Variants in SPOCK3 observed in about 807,000 individuals in gnomAD.
The protein encoded by SPOCK3 is SPARC (osteonectin), cwcv and kazal like domains proteoglycan 3, also known as testican-3.
SPOCK3 carries 30 observed loss-of-function variants against 56.6 expected under a neutral mutation model. That is an observed-to-expected ratio of 0.53 (90% CI 0.40 to 0.72). The LOEUF (loss-of-function observed/expected upper bound fraction) is 0.72, where lower values mean the gene tolerates loss of function less well. Ranked by LOEUF, SPOCK3 falls within the 30% of genes least tolerant of loss-of-function variation. The pLI is 0.00. For missense variants in SPOCK3, 527 were observed against 530.0 expected, an observed-to-expected ratio of 0.99 and a Z score of 0.06; for synonymous variants, 196 against 183.3, an observed-to-expected ratio of 1.07 and a Z score of -0.56.
At chr4:167,080,878 CTTTTT>C (rs766090610) in intron 2 of SPOCK3, among the ~76,000 whole-genome samples, 2 of 129,058 alleles carry the variant, frequency 1.5e-5, no homozygotes, top group Admixed American at 7.8e-5. Context: ...CTCTTTCTTT[CTTTTT>C]TTTTTTTTTT....
intron 2 of SPOCK3, among the ~76,000 whole-genome samples, chr4:167,220,601 G>T (rs567836368): frequency 9.9e-5 from 15 of 151,038 alleles, no homozygotes; most frequent in African/African-American, 3.6e-4. Flanking sequence ...GCTCAGGCTG[G>T]TCTCAAACTC....
chr4:166,818,057 C>G (rs893533574), intron 6 of SPOCK3, among the ~76,000 whole-genome samples: 1 of 152,058 alleles, frequency 6.6e-6, no homozygotes, highest in Admixed American at 6.6e-5. Flanking sequence ...AGATTACACA[C>G]TTATCACTTT....
chr4:166,744,641 G>A (rs548920099), intron 8 of SPOCK3, among the ~76,000 whole-genome samples: 4 of 152,302 alleles, frequency 2.6e-5, no homozygotes, highest in East Asian at 1.9e-4. Context: ...TGACTTTGAC[G>A]AGTTGACAGA....
intron 2 of SPOCK3, among the ~76,000 whole-genome samples, chr4:167,172,706 G>A (rs553954844): frequency 2.0e-5 from 3 of 151,952 alleles, no homozygotes; most frequent in East Asian, 1.9e-4. Flanking sequence ...TTTTCATAGA[G>A]AATATCTACA....
At chr4:166,988,548 T>C (rs1438097387) in intron 4 of SPOCK3, among the ~76,000 whole-genome samples, 1 of 152,096 alleles carries the variant, frequency 6.6e-6, no homozygotes, top group Middle Eastern at 3.2e-3. Context: ...GACAGCCACA[T>C]AGGTTTCAAT....
chr4:167,082,519 G>A (rs1258090150), intron 2 of SPOCK3, among the ~76,000 whole-genome samples: 1 of 152,014 alleles, frequency 6.6e-6, no homozygotes, highest in Admixed American at 6.6e-5. Context: ...ATAGTTATGA[G>A]GAATATCTGT....
At chr4:166,752,944 A>G (rs553833159) in intron 8 of SPOCK3, among the ~76,000 whole-genome samples, 19 of 151,906 alleles carry the variant, frequency 1.3e-4, no homozygotes, top group African/African-American at 4.6e-4. Flanking sequence ...AAATGACCTC[A>G]GAGAGTAAAT....
chr4:167,203,482 A>G (rs1397308625), intron 2 of SPOCK3, among the ~76,000 whole-genome samples: 4 of 151,898 alleles, frequency 2.6e-5, no homozygotes, highest in Non-Finnish European at 4.4e-5. Flanking sequence ...CAAAGAATGT[A>G]TGACCCAATA....
chr4:166,817,735 T>G (rs906227605), intron 6 of SPOCK3, among the ~76,000 whole-genome samples: 1 of 151,970 alleles, frequency 6.6e-6, no homozygotes, highest in African/African-American at 2.4e-5. Flanking sequence ...GGTAACAACA[T>G]TTATATCAAA....
At chr4:166,961,183 A>G (rs985509710) in intron 4 of SPOCK3, among the ~76,000 whole-genome samples, 2 of 152,066 alleles carry the variant, frequency 1.3e-5, no homozygotes, top group East Asian at 3.9e-4. Flanking sequence ...TACCCATGAA[A>G]TTCACAGCAT....
At chr4:166,871,167 A>C (rs540931289) in intron 6 of SPOCK3, among the ~76,000 whole-genome samples, 75 of 152,254 alleles carry the variant, frequency 4.9e-4, no homozygotes, top group African/African-American at 1.7e-3. Context: ...GAAAGAAGAA[A>C]AAATTAAATA....
At chr4:167,117,571 G>T (rs1227208810) in intron 2 of SPOCK3, among the ~76,000 whole-genome samples, 3 of 152,130 alleles carry the variant, frequency 2.0e-5, no homozygotes, top group Non-Finnish European at 4.4e-5. Context: ...CAAAGCCAGG[G>T]TCGATGCCGG....
At chr4:167,061,511 TTGA>T (rs1194464665) in intron 3 of SPOCK3, among the ~76,000 whole-genome samples, 6 of 152,020 alleles carry the variant, frequency 3.9e-5, no homozygotes, top group Admixed American at 3.9e-4. Flanking sequence ...AATACCAATG[TTGA>T]TGATGGTCTA....
intron 5 of SPOCK3, among the ~76,000 whole-genome samples, chr4:166,909,437 A>G (rs1737010288): frequency 1.3e-5 from 2 of 152,100 alleles, no homozygotes; most frequent in Admixed American, 6.6e-5. Flanking sequence ...TATCATTTAT[A>G]ATCTCCTCTC....
chr4:167,028,270 G>C (rs1177197586), intron 3 of SPOCK3, among the ~76,000 whole-genome samples: 1 of 150,928 alleles, frequency 6.6e-6, no homozygotes, highest in African/African-American at 2.4e-5. Context: ...ATTGCTACTT[G>C]GGAGACTGAG....
intron 4 of SPOCK3, among the ~76,000 whole-genome samples, 165 bp from the exon 5 acceptor site, chr4:166,912,908 T>C (rs562985060): frequency 1.3e-5 from 2 of 152,340 alleles, no homozygotes; most frequent in South Asian, 4.1e-4. Context: ...TTTTTCATTA[T>C]AATCTTTTGA....
intron 2 of SPOCK3, among the ~76,000 whole-genome samples, chr4:167,217,438 A>G (rs1735475842): frequency 6.6e-6 from 1 of 152,022 alleles, no homozygotes; most frequent in Admixed American, 6.6e-5. Flanking sequence ...TGTATAAGGT[A>G]TTATAAGTAC....
intron 2 of SPOCK3, among the ~76,000 whole-genome samples, chr4:167,079,517 T>G (rs1237224933): frequency 2.0e-5 from 3 of 151,888 alleles, no homozygotes; most frequent in Non-Finnish European, 2.9e-5. Context: ...ATAGACTAAA[T>G]ACACCAAGAA....
intron 4 of SPOCK3, among the ~76,000 whole-genome samples, chr4:166,956,819 T>G (rs1017480484): frequency 3.3e-5 from 5 of 152,104 alleles, no homozygotes; most frequent in Non-Finnish European, 7.4e-5. Flanking sequence ...CTTCTCAACT[T>G]ACCCAGTTTA....
Sources: allele counts gnomAD v4.1 joint callset (sites outside exome capture counted in the v4.1 genomes callset), GRCh38; gene constraint gnomAD v4.1.1; transcripts MANE v1.5; gene names NCBI Gene and HGNC (gene_info 2026-07-23, HGNC 2026-07-21).